Variants in PCSK5 observed in about 807,000 individuals in gnomAD.
The protein encoded by PCSK5 is prohormone convertase 5.
In PCSK5, 129 loss-of-function variants were observed where a neutral mutation model predicts 233.2. That is an observed-to-expected ratio of 0.55 (90% CI 0.48 to 0.64). The LOEUF is 0.64. PCSK5 is among the 30% of genes least tolerant of loss of function. PCSK5 has a pLI of 0.00. For missense variants in PCSK5, 2,076 were observed against 2,430.1 expected, an observed-to-expected ratio of 0.85 and a Z score of 3.06; for synonymous variants, 825 against 879.2, an observed-to-expected ratio of 0.94 and a Z score of 1.09.
intron 24 of PCSK5, among the ~76,000 whole-genome samples, chr9:76,259,439 T>G (rs1827092966): frequency 7.1e-6 from 1 of 141,216 alleles, no homozygotes; most frequent in African/African-American, 2.8e-5. Context: ...TCAGCCTCCC[T>G]CCCTCTCTGT....
chr9:75,946,392 G>T (rs10781317), intron 2 of PCSK5, among the ~76,000 whole-genome samples: 102,587 of 151,598 alleles, frequency 0.68, 34,885 homozygotes, highest in East Asian at 0.84. Flanking sequence ...CCACTCCTCT[G>T]TGGGCTTATT....
At chr9:76,036,943 G>A (rs1441375442) in intron 5 of PCSK5, among the ~76,000 whole-genome samples, 1 of 152,250 alleles carries the variant, frequency 6.6e-6, no homozygotes, top group East Asian at 1.9e-4. Context: ...TAACTTGGCT[G>A]TACCAAGTGC....
chr9:76,352,533 A>AT, intron 36 of PCSK5, among the ~76,000 whole-genome samples: 1 of 152,028 alleles, frequency 6.6e-6, no homozygotes, highest in African/African-American at 2.4e-5. Flanking sequence ...TGCCCAGCTA[A>AT]TTTTTTGTAT....
intron 2 of PCSK5, among the ~76,000 whole-genome samples, chr9:75,977,758 C>T (rs1243313217): frequency 2.0e-5 from 3 of 151,640 alleles, no homozygotes; most frequent in Non-Finnish European, 4.4e-5. Context: ...TTACAGGCGC[C>T]TCCCACCACG....
chr9:76,006,172 T>C (rs908498101), intron 3 of PCSK5, among the ~76,000 whole-genome samples: 3 of 152,146 alleles, frequency 2.0e-5, no homozygotes, highest in Non-Finnish European at 2.9e-5. Context: ...TCTTTATTCT[T>C]AGGCATTTGA....
chr9:76,107,195 C>A, intron 8 of PCSK5, 56 bp from the exon 9 acceptor site: 1 of 1,027,044 alleles, frequency 9.7e-7, no homozygotes, highest in Non-Finnish European at 1.5e-6. Flanking sequence ...TTTCTTTCTA[C>A]TTGCAGGTGA....
intron 1 of PCSK5, among the ~76,000 whole-genome samples, chr9:75,910,288 A>G (rs1448085472): frequency 6.6e-6 from 1 of 152,236 alleles, no homozygotes; most frequent in Non-Finnish European, 1.5e-5. Flanking sequence ...GGAAGACCCT[A>G]GTGAACTCCA....
intron 20 of PCSK5, among the ~76,000 whole-genome samples, chr9:76,203,740 G>A (rs1374582222): frequency 6.6e-6 from 1 of 152,156 alleles, no homozygotes; most frequent in Non-Finnish European, 1.5e-5. Flanking sequence ...AGTAACTTGT[G>A]ATGGCAGCAG....
chr9:76,138,045 G>A (rs909606853), intron 10 of PCSK5, among the ~76,000 whole-genome samples: 1 of 151,974 alleles, frequency 6.6e-6, no homozygotes, highest in African/African-American at 2.4e-5. Context: ...GAATTTAATG[G>A]ATGTTATCTC....
At chr9:76,208,976 T>C (rs553799432) in intron 20 of PCSK5, among the ~76,000 whole-genome samples, 1 of 152,312 alleles carries the variant, frequency 6.6e-6, no homozygotes, top group South Asian at 2.1e-4. Flanking sequence ...TGAACTTCAA[T>C]AAATTGGCAG....
At chr9:76,096,186 T>TACACAC (rs1179273346) in intron 8 of PCSK5, 84 bp downstream of exon 8, 3 of 698,646 alleles carry the variant, frequency 4.3e-6, no homozygotes, top group South Asian at 3.4e-5. Context: ...AACATATATA[T>TACACAC]ATATACACAC....
intron 3 of PCSK5, among the ~76,000 whole-genome samples, chr9:75,990,308 AGTGTGCCTGC>A (rs1480658979): frequency 1.3e-5 from 2 of 152,210 alleles, no homozygotes. Flanking sequence ...AATGGCATGA[AGTGTGCCTGC>A]GTGTCTCTTT....
At chr9:76,310,535 T>C in intron 29 of PCSK5, 121 bp from the exon 30 acceptor site, 2 of 536,558 alleles carry the variant, frequency 3.7e-6, no homozygotes, top group Non-Finnish European at 6.2e-6. Flanking sequence ...AGCAAATATT[T>C]TGGTAAGCCT....
intron 7 of PCSK5, among the ~76,000 whole-genome samples, chr9:76,084,865 T>C (rs1830998742): frequency 6.6e-6 from 1 of 152,164 alleles, no homozygotes; most frequent in Non-Finnish European, 1.5e-5. Context: ...ATATATGGCT[T>C]AGATAGCAGG....
intron 14 of PCSK5, among the ~76,000 whole-genome samples, chr9:76,178,939 G>T (rs1334956532): frequency 9.2e-5 from 14 of 152,032 alleles, no homozygotes; most frequent in Non-Finnish European, 1.5e-5. Context: ...GAGAGATTGG[G>T]AACTTTCATC....
intron 2 of PCSK5, among the ~76,000 whole-genome samples, chr9:75,959,396 C>G (rs1264661645): frequency 6.6e-6 from 1 of 152,140 alleles, no homozygotes; most frequent in Non-Finnish European, 1.5e-5. Flanking sequence ...CCCTAGGAAC[C>G]ATGTCACAGA....
chr9:76,200,183 A>G (rs1824862269), intron 20 of PCSK5, among the ~76,000 whole-genome samples: 3 of 152,198 alleles, frequency 2.0e-5, no homozygotes, highest in Admixed American at 2.0e-4. Context: ...ATCTCTGTTT[A>G]CTGAGCATAA....
intron 5 of PCSK5, among the ~76,000 whole-genome samples, chr9:76,050,368 T>C (rs1261805597): frequency 3.9e-5 from 6 of 152,154 alleles, no homozygotes; most frequent in Non-Finnish European, 5.9e-5. Flanking sequence ...TGGAAAGAAA[T>C]AGACCACAAA....
chr9:76,240,203 T>C lies in PCSK5; in HGVS notation c.3074-413T>C, dbSNP rs376563526. Among the ~76,000 whole-genome samples the C allele has an allele frequency of 2.2e-4, 33 of 152,342 alleles. No homozygotes were observed. The South Asian group carries it at 2.3e-3, about 11-fold the overall frequency. ...TAATTAAGACACTCAATTCTGTTTC[T>C]CCTTAATGTTTATGAATGTAGTAAA... On this transcript the variant is annotated intron_variant, in intron 23 of 37. Transcript: ENST00000674117.
Sources: allele counts gnomAD v4.1 joint callset (sites outside exome capture counted in the v4.1 genomes callset), GRCh38; gene constraint gnomAD v4.1.1; transcripts MANE v1.5; gene names NCBI Gene and HGNC (gene_info 2026-07-23, HGNC 2026-07-21).